The following DLC1 variants were observed in gnomAD, a reference collection of about 807,000 sequenced individuals.
The protein encoded by DLC1 is rho GTPase-activating protein 7.
In DLC1, 54 loss-of-function variants were observed where a neutral mutation model predicts 140.3. The ratio of observed to expected loss-of-function variants is 0.38; its 90% confidence interval spans 0.31 to 0.48. DLC1 has a LOEUF of 0.48. Ranked by LOEUF, DLC1 falls within the 20% of genes least tolerant of loss-of-function variation. The pLI, the probability that DLC1 is intolerant of heterozygous loss-of-function variation, is 0.96. For missense variants in DLC1, 2,536 were observed against 1,907.0 expected (o/e 1.33, Z -6.14); for synonymous variants, 986 against 728.1 (o/e 1.35, Z -5.70).
chr8:13,596,153 C>T (rs569668704), intron 1 of DLC1, among the ~76,000 whole-genome samples: 43 of 152,124 alleles, frequency 2.8e-4, no homozygotes, highest in African/African-American at 9.6e-4. Context: ...ATATTAATCT[C>T]AATGGTATCA....
At chr8:13,145,405 C>T (rs182718413) in intron 5 of DLC1, among the ~76,000 whole-genome samples, 2 of 152,312 alleles carry the variant, frequency 1.3e-5, no homozygotes. Flanking sequence ...GCTAAGTTCT[C>T]CATGAGAACT....
chr8:13,437,100 T>G (rs542377228), intron 2 of DLC1, among the ~76,000 whole-genome samples: 1 of 152,354 alleles, frequency 6.6e-6, no homozygotes, highest in South Asian at 2.1e-4. Context: ...CTCCTCAATA[T>G]TTACGTAGTT....
chr8:13,095,654 G>A (rs1017611257), intron 10 of DLC1: 1 of 181,096 alleles, frequency 5.5e-6, no homozygotes, highest in Non-Finnish European at 1.2e-5. Flanking sequence ...TGGCGGTATA[G>A]GAAGGAACAA....
intron 2 of DLC1, among the ~76,000 whole-genome samples, chr8:13,437,553 C>T (rs747163759): frequency 6.6e-5 from 10 of 152,194 alleles, no homozygotes; most frequent in Non-Finnish European, 1.2e-4. Flanking sequence ...CAACATATCA[C>T]GTCAGCACAC....
chr8:13,157,190 A>G (rs1563119101), intron 5 of DLC1, among the ~76,000 whole-genome samples: 1 of 152,220 alleles, frequency 6.6e-6, no homozygotes, highest in Non-Finnish European at 1.5e-5. Flanking sequence ...CAGTGAAACT[A>G]TCTTTTTCCC....
intron 2 of DLC1, among the ~76,000 whole-genome samples, chr8:13,453,858 A>G (rs956287975): frequency 6.6e-6 from 1 of 151,918 alleles, no homozygotes; most frequent in African/African-American, 2.4e-5. Context: ...TGATTTATGC[A>G]TATTGTTTAA....
chr8:13,196,095 T>TACAC (rs59429334), intron 5 of DLC1, among the ~76,000 whole-genome samples: 8,968 of 146,992 alleles, frequency 0.061, 291 homozygotes, highest in East Asian at 0.11. Flanking sequence ...TCTGTATTGA[T>TACAC]ACACACACAC....
Position 13,090,488 on chromosome 8 carries a change from G to T in DLC1, c.3856-18C>A. On this transcript the variant is annotated intron_variant, in intron 14 of 17. Coordinates refer to ENST00000276297, the MANE Select transcript of DLC1 (RefSeq NM_182643.3). ...TCGGGAACCTGTGCGGAACATGACA[G>T]ACAGAAAGGAGGTGAGTCCACCTGT... 1 of 1,612,512 alleles carries T rather than the reference G, an allele frequency of 6.2e-7. No homozygotes were observed. The highest frequency in any genetic ancestry group is 8.5e-7 in the Non-Finnish European group (1 of 1,179,704).
intron 4 of DLC1, among the ~76,000 whole-genome samples, chr8:13,325,347 C>G (rs559472037): frequency 6.6e-6 from 1 of 152,062 alleles, no homozygotes; most frequent in Non-Finnish European, 1.5e-5. Context: ...TAATGTGATA[C>G]GTACAAGAAA....
At chr8:13,340,473 T>A (rs1487129298) in intron 4 of DLC1, 1 of 152,334 alleles carries the variant, frequency 6.6e-6, no homozygotes, top group Non-Finnish European at 1.5e-5. Context: ...AGTGCTGGGA[T>A]TACAGGCGTG....
At chr8:13,238,414 G>A (rs1829389167) in intron 5 of DLC1, among the ~76,000 whole-genome samples, 1 of 152,006 alleles carries the variant, frequency 6.6e-6, no homozygotes, top group Non-Finnish European at 1.5e-5. Context: ...AGGGGGAGGT[G>A]AGGCAGGAGA....
At chr8:13,271,401 G>T (rs972363379) in intron 5 of DLC1, among the ~76,000 whole-genome samples, 2 of 152,200 alleles carry the variant, frequency 1.3e-5, no homozygotes, top group South Asian at 4.1e-4. Context: ...AATTCCCAAT[G>T]CCCCACTGAA....
intron 5 of DLC1, among the ~76,000 whole-genome samples, chr8:13,298,286 T>C (rs1023091938): frequency 2.6e-5 from 4 of 152,192 alleles, no homozygotes; most frequent in Middle Eastern, 3.2e-3. Flanking sequence ...TCTTCTTCAA[T>C]GGCCCCCTTT....
At chr8:13,434,365 A>G (rs1388599160) in intron 2 of DLC1, among the ~76,000 whole-genome samples, 1 of 152,248 alleles carries the variant, frequency 6.6e-6, no homozygotes. Context: ...CATATGCAGT[A>G]TGAAGAAAAC....
intron 4 of DLC1, among the ~76,000 whole-genome samples, chr8:13,372,685 A>G (rs1369409389): frequency 1.3e-5 from 2 of 152,176 alleles, no homozygotes; most frequent in Non-Finnish European, 2.9e-5. Context: ...GGAACACGTC[A>G]TTGATAGTGG....
chr8:13,545,826 A>T (rs1563432174), intron 1 of DLC1, among the ~76,000 whole-genome samples: 1 of 152,132 alleles, frequency 6.6e-6, no homozygotes, highest in Non-Finnish European at 1.5e-5. Context: ...ATCATTATGG[A>T]TAGCAATTAA....
At chr8:13,095,027 A>C in intron 11 of DLC1, 59 bp downstream of exon 11, 1 of 1,613,582 alleles carries the variant, frequency 6.2e-7, no homozygotes, top group Non-Finnish European at 8.5e-7. Context: ...CACAACTAGA[A>C]GAAGCTGCAT....
chr8:13,461,422 G>T (rs368299990), intron 2 of DLC1, among the ~76,000 whole-genome samples: 4 of 152,062 alleles, frequency 2.6e-5, no homozygotes, highest in Admixed American at 1.3e-4. Context: ...TAATGTATTT[G>T]CCTCTCCCTG....
At chr8:13,595,576 G>A (rs1258489064) in intron 1 of DLC1, among the ~76,000 whole-genome samples, 1 of 151,922 alleles carries the variant, frequency 6.6e-6, no homozygotes, top group African/African-American at 2.4e-5. Context: ...TATGATTAAG[G>A]GAAAAAGTGA....
Sources: allele counts gnomAD v4.1 joint callset (sites outside exome capture counted in the v4.1 genomes callset), GRCh38; gene constraint gnomAD v4.1.1; transcripts MANE v1.5; gene names NCBI Gene and HGNC (gene_info 2026-07-23, HGNC 2026-07-21).